Variants in ADCY5 observed in about 807,000 individuals in gnomAD.
ADCY5 encodes the protein adenylate cyclase type 5.
Under a neutral mutation model 119.7 loss-of-function variants are expected in ADCY5, and 30 were observed. The ratio of observed to expected loss-of-function variants is 0.25; its 90% confidence interval spans 0.19 to 0.34. The LOEUF is 0.34. Among genes scored for constraint, ADCY5 ranks in the 10% least tolerant of loss-of-function variants. The probability of loss-of-function intolerance (pLI) is 1.00; values close to 1 mark genes in which losing one functional copy is unlikely to be tolerated. For synonymous variants in ADCY5, 753 were observed against 762.2 expected, an observed-to-expected ratio of 0.99 and a Z score of 0.20; for missense variants, 1,324 against 1,775.2, an observed-to-expected ratio of 0.75 and a Z score of 4.57.
chr3:123,390,486 A>C (rs1239008181), intron 1 of ADCY5, among the ~76,000 whole-genome samples: 1 of 152,238 alleles, frequency 6.6e-6, no homozygotes, highest in Admixed American at 6.5e-5. Flanking sequence ...GTGGGAGCCT[A>C]GATCCTCCTA....
rs772725373 is a variant in ADCY5, at chr3:123,318,083, T to A, written c.2291A>T (p.Tyr764Phe). 6.2e-7 allele frequency: 1 copy of A among 1,613,758 alleles called. No homozygotes were observed. Among genetic ancestry groups the A allele is most frequent in the South Asian group, 1.1e-5 (1 of 91,064 alleles). The part of the protein sequence containing the change: ...SKQVDDRFGA[Y>F]VACASLVFLF... ...GAAGACGAGCGAGGCACACGCCACATAGGCACCAAATCGGTCGTCTACCTG... is the reference window on the plus strand; with the variant it reads ...GAAGACGAGCGAGGCACACGCCACAAAGGCACCAAATCGGTCGTCTACCTG... The change falls in exon 11 of 21, where the codon TAT becomes TTT. Residue 764 changes from tyrosine (Y) to phenylalanine (F), a missense_variant. Transcript: ENST00000462833.
chr3:123,369,352 C>A (rs1280800834), intron 1 of ADCY5, among the ~76,000 whole-genome samples: 1 of 152,204 alleles, frequency 6.6e-6, no homozygotes, highest in African/African-American at 2.4e-5. Flanking sequence ...CTGTGGTGTT[C>A]AGTTACAGCA....
chr3:123,308,655 A>C (rs1177059544), intron 12 of ADCY5, among the ~76,000 whole-genome samples: 2 of 151,968 alleles, frequency 1.3e-5, no homozygotes, highest in Admixed American at 6.6e-5. Flanking sequence ...AGGTGAAACC[A>C]TGTCTCTACT....
intron 1 of ADCY5, among the ~76,000 whole-genome samples, chr3:123,362,115 T>C (rs773664015): frequency 1.3e-5 from 2 of 152,242 alleles, no homozygotes; most frequent in Non-Finnish European, 1.5e-5. Flanking sequence ...ATGAATAATG[T>C]TGCTGTGATG....
intron 3 of ADCY5, among the ~76,000 whole-genome samples, chr3:123,338,958 G>T (rs532805104): frequency 7.2e-5 from 11 of 152,288 alleles, no homozygotes; most frequent in African/African-American, 2.6e-4. Flanking sequence ...AGTGGTCTAG[G>T]GGGGCCTGTA....
At position 123,299,736 on chromosome 3, in the gene ADCY5, G is replaced by A. The variant is rs530653709; in HGVS notation, c.2900+384C>T. On this transcript the variant is annotated intron_variant, in intron 15 of 20. Coordinates refer to ENST00000462833, the MANE Select transcript of ADCY5 (RefSeq NM_183357.3). ...CAGCGGATATCCAGGCACCTGCCTCGAGGTGGGACACAGACCCTGTGAACA... is the reference window on the plus strand; with the variant it reads ...CAGCGGATATCCAGGCACCTGCCTCAAGGTGGGACACAGACCCTGTGAACA... 1.2e-4 allele frequency among the ~76,000 whole-genome samples: 18 copies of A among 152,318 alleles called. No homozygotes were observed. In the South Asian group the frequency reaches 1.7e-3, roughly 14 times the overall value.
At position 123,426,305 on chromosome 3, in the gene ADCY5, T is replaced by TTTG. The variant is rs1306293663; in HGVS notation, c.1134+21106_1134+21107insCAA. 8.6e-3 allele frequency among the ~76,000 whole-genome samples: 69 copies of TTTG among 7,996 alleles called. 1 individual carries two copies. Among genetic ancestry groups the TTTG allele is most frequent in the African/African-American group, 0.012 (68 of 5,720 alleles). The allele number at this position is 7,996 out of a possible 152,430, so 5.2% of individuals were successfully genotyped here. On this transcript the variant is annotated intron_variant, in intron 1 of 20. Transcript: ENST00000462833. ...TCTTTTTCTTTTCTTTTGTGTTTTT[T>TTTG]TTTTGTTTGTTTTTGTTTGTTTGTT...
intron 1 of ADCY5, among the ~76,000 whole-genome samples, chr3:123,418,609 G>T (rs1186774199): frequency 6.6e-6 from 1 of 152,162 alleles, no homozygotes; most frequent in East Asian, 1.9e-4. Context: ...CCTCAGCAGA[G>T]TGAGAACTCA....
In ADCY5 at chr3:123,326,271, G is replaced by C. The variant is rs747010887; in HGVS notation, c.1948-809C>G. ...ACAGAGTCTCAGTCAGCTATCTATG[G>C]GCCAACACACTCCCCAGGATCTCAT... On this transcript the variant is annotated intron_variant, in intron 7 of 20. Transcript: ENST00000462833. Among the ~76,000 whole-genome samples, 11 of 152,154 alleles carry C rather than the reference G, an allele frequency of 7.2e-5. No homozygotes were observed. The East Asian group carries it at 7.7e-4, about 11-fold the overall frequency.
At chr3:123,417,943 G>A (rs761891579) in intron 1 of ADCY5, among the ~76,000 whole-genome samples, 2 of 152,234 alleles carry the variant, frequency 1.3e-5, no homozygotes, top group Non-Finnish European at 1.5e-5. Flanking sequence ...CCTTCCAACA[G>A]AGCGAGACTC....
In ADCY5 at chr3:123,352,642, G is replaced by A; in HGVS notation, c.1135-61C>T. ...CCTGACCTTCCTGGCCCCAAAGCATGAAGCCCTCAGCCCCTGTCTCAGCAA... is the reference window on the plus strand; with the variant it reads ...CCTGACCTTCCTGGCCCCAAAGCATAAAGCCCTCAGCCCCTGTCTCAGCAA... On this transcript the variant is annotated intron_variant, in intron 1 of 20. Transcript: ENST00000462833. This position sits in a 1 kb window ranked among gnomAD's most constrained non-coding sequence, Gnocchi z 4.8. 2 of 1,541,292 alleles carry A rather than the reference G, an allele frequency of 1.3e-6. No individual in the cohort carries two copies. The highest frequency in any genetic ancestry group is 2.3e-5 in the East Asian group (1 of 43,096).
intron 18 of ADCY5, among the ~76,000 whole-genome samples, chr3:123,290,568 C>G (rs905508766): frequency 6.6e-6 from 1 of 152,246 alleles, no homozygotes; most frequent in Non-Finnish European, 1.5e-5. Flanking sequence ...CCTCCACACG[C>G]CAGGTGCTCA....
chr3:123,287,237 A>G (rs1938839136), intron 19 of ADCY5: 1 of 155,646 alleles, frequency 6.4e-6, no homozygotes, highest in Non-Finnish European at 1.4e-5. Context: ...TCCTCTCTCC[A>G]AGTCCTCCTG....
intron 1 of ADCY5, among the ~76,000 whole-genome samples, chr3:123,381,033 A>G (rs1041257894): frequency 1.3e-5 from 2 of 152,216 alleles, no homozygotes; most frequent in Non-Finnish European, 2.9e-5. Flanking sequence ...TGTCATATGT[A>G]TCATGGGGAT....
intron 1 of ADCY5, among the ~76,000 whole-genome samples, chr3:123,407,983 G>A (rs747942740): frequency 1.3e-5 from 2 of 151,910 alleles, no homozygotes; most frequent in Non-Finnish European, 2.9e-5. Flanking sequence ...ATAGACAGAG[G>A]TGGAAAATTG....
At chr3:123,418,259 T>C (rs1367716115) in intron 1 of ADCY5, among the ~76,000 whole-genome samples, 3 of 152,204 alleles carry the variant, frequency 2.0e-5, no homozygotes, top group Non-Finnish European at 4.4e-5. Flanking sequence ...CTGTAAAACA[T>C]TATATCTGGG....
At chr3:123,386,145 T>G (rs1005191041) in intron 1 of ADCY5, among the ~76,000 whole-genome samples, 1 of 152,206 alleles carries the variant, frequency 6.6e-6, no homozygotes, top group Non-Finnish European at 1.5e-5. Flanking sequence ...AAGGCATGAA[T>G]GAGCCCGAAG....
chr3:123,373,135 C>T (rs1229165002), intron 1 of ADCY5, among the ~76,000 whole-genome samples: 1 of 152,220 alleles, frequency 6.6e-6, no homozygotes, highest in Non-Finnish European at 1.5e-5. Flanking sequence ...TCCACAGCAC[C>T]TAGCATGCAG....
chr3:123,291,279 G>A lies in ADCY5; in HGVS notation c.3161C>T (p.Ala1054Val). 6.2e-7 allele frequency: 1 copy of A among 1,613,982 alleles called. No homozygotes were observed. Among genetic ancestry groups the A allele is most frequent in the Non-Finnish European group, 8.5e-7 (1 of 1,180,044 alleles). The change falls in exon 18 of 21, where the codon GCC becomes GTC. Residue 1054 changes from alanine to valine, a missense_variant. By Grantham distance (64) the Ala-to-Val change is moderately conservative (BLOSUM62 0). This residue lies in a region of ADCY5 where 178 missense variants were observed against 329.6 expected (regional missense o/e 0.54). Coordinates refer to ENST00000462833, the MANE Select transcript of ADCY5 (RefSeq NM_183357.3). The part of the protein sequence containing the change: ...LPKDVAAHFL[A>V]RERRNDELYY... Reference sequence around the variant, plus strand: ...GAGCTCATCATTGCGCCGCTCGCGGGCCAGGAAGTGAGCGGCCACGTCCTT... The same window carrying A: ...GAGCTCATCATTGCGCCGCTCGCGGACCAGGAAGTGAGCGGCCACGTCCTT...
Sources: gnomAD v4.1 joint callset for allele counts (sites outside exome capture counted in the v4.1 genomes callset) on GRCh38, gnomAD v4.1.1 for gene constraint, gnomAD v4.1.1 regional missense constraint, Gnocchi (gnomAD v3.1) non-coding constraint, MANE v1.5 for transcripts, NCBI Gene and HGNC (gene_info 2026-07-23, HGNC 2026-07-21) for gene names.